The following KLHL7 variants were observed in gnomAD, a reference collection of about 807,000 sequenced individuals.
The protein encoded by KLHL7 is kelch like family member 7.
A neutral mutation model predicts 67.4 loss-of-function variants in KLHL7; 44 were observed. The observed-to-expected ratio is 0.65, with a 90% CI of 0.51 to 0.84. The LOEUF is 0.84. KLHL7 is among the 40% of genes least tolerant of loss of function. KLHL7 has a pLI of 0.00. For synonymous variants in KLHL7, 252 were observed against 243.3 expected, an observed-to-expected ratio of 1.04 and a Z score of -0.33; for missense variants, 362 against 718.1, an observed-to-expected ratio of 0.50 and a Z score of 5.67.
rs527487644 is a variant in KLHL7, at chr7:23,161,324, G to T, written c.937-4374G>T. Among the ~76,000 whole-genome samples the T allele has an allele frequency of 1.3e-3, 196 of 152,272 alleles. 4 individuals carry two copies. Among genetic ancestry groups the T allele is most frequent in the African/African-American group, 4.6e-3 (192 of 41,540 alleles). On this transcript the variant is annotated intron_variant, in intron 7 of 10. Coordinates refer to ENST00000339077, the MANE Select transcript of KLHL7 (RefSeq NM_001031710.3). ...TTATTATGGAGATATTTTCACATCAGTGAGAATGTCATCATTTTGAAGGGC... is the reference window on the plus strand; with the variant it reads ...TTATTATGGAGATATTTTCACATCATTGAGAATGTCATCATTTTGAAGGGC...
chr7:23,121,330 T>A (rs539007514), intron 1 of KLHL7, among the ~76,000 whole-genome samples: 1 of 152,194 alleles, frequency 6.6e-6, no homozygotes, highest in Non-Finnish European at 1.5e-5. Flanking sequence ...TATAATGATA[T>A]CACTGGAGTA....
chr7:23,109,210 A>G (rs1782765770), intron 1 of KLHL7, among the ~76,000 whole-genome samples: 1 of 152,234 alleles, frequency 6.6e-6, no homozygotes, highest in African/African-American at 2.4e-5. Context: ...TGATGTTGTC[A>G]GTCTTATCAC....
intron 4 of KLHL7, among the ~76,000 whole-genome samples, chr7:23,134,905 G>A (rs1783924483): frequency 6.6e-6 from 1 of 151,404 alleles, no homozygotes; most frequent in Admixed American, 6.6e-5. Context: ...ACAACTTTTT[G>A]TTTCATTGAT....
Position 23,174,360 on chromosome 7 carries a change from AG to A in KLHL7, c.*64del. On this transcript the variant is annotated 3_prime_UTR_variant, in exon 11 of 11. Transcript: ENST00000339077. The stretch of plus-strand genomic sequence containing the variant: ...AATATAGCCACCAGTGCTTTGTTCC[AG>A]GAGTTTGGTGACAAAGTTTTGGTTT... 6.3e-7 allele frequency: 1 copy of A among 1,574,824 alleles called. No individual in the cohort carries two copies. The highest frequency in any genetic ancestry group is 8.7e-7 in the Non-Finnish European group (1 of 1,145,418).
At chr7:23,130,061 A>G (rs1783739686) in intron 4 of KLHL7, among the ~76,000 whole-genome samples, 1 of 152,222 alleles carries the variant, frequency 6.6e-6, no homozygotes, top group African/African-American at 2.4e-5. Flanking sequence ...TTTTGAAATC[A>G]TCTAATGTGT....
At chr7:23,114,442 T>A (rs576777080) in intron 1 of KLHL7, among the ~76,000 whole-genome samples, 3 of 152,292 alleles carry the variant, frequency 2.0e-5, no homozygotes, top group East Asian at 3.9e-4. Context: ...TATTGATACT[T>A]CCTTATATAA....
intron 6 of KLHL7, 147 bp from the exon 7 acceptor site, chr7:23,151,918 CCT>C (rs1784548740): frequency 2.7e-6 from 2 of 733,068 alleles, no homozygotes; most frequent in East Asian, 5.4e-5. Flanking sequence ...ATTTCTCCTG[CCT>C]CTTCCCCCTC....
intron 4 of KLHL7, among the ~76,000 whole-genome samples, chr7:23,138,075 C>T (rs1784044788): frequency 6.6e-6 from 1 of 151,818 alleles, no homozygotes; most frequent in South Asian, 2.1e-4. Flanking sequence ...ACTCAGGAGG[C>T]TGAGGCAGGA....
At chr7:23,159,093 CT>C (rs545562127) in intron 7 of KLHL7, among the ~76,000 whole-genome samples, 1 of 152,024 alleles carries the variant, frequency 6.6e-6, no homozygotes, top group South Asian at 2.1e-4. Flanking sequence ...CTGGACTGCA[CT>C]TTTTAAAAAA....
intron 6 of KLHL7, among the ~76,000 whole-genome samples, chr7:23,151,281 A>T (rs1784528130): frequency 1.3e-5 from 2 of 151,362 alleles, no homozygotes; most frequent in South Asian, 4.2e-4. Flanking sequence ...CTTTCTTCAT[A>T]TTGTTGTCTA....
At chr7:23,129,682 A>T (rs1057044969) in intron 4 of KLHL7, 1 of 160,772 alleles carries the variant, frequency 6.2e-6, no homozygotes, top group Admixed American at 6.5e-5. Context: ...AGTTATCAAG[A>T]GACTGAAGAC....
At chr7:23,106,432 T>C (rs1782642360) in intron 1 of KLHL7, 2 of 1,270,336 alleles carry the variant, frequency 1.6e-6, no homozygotes, top group South Asian at 3.1e-5. Flanking sequence ...GTGTAACAGC[T>C]CTGCCCTAGT....
At chr7:23,117,899 C>T in intron 1 of KLHL7, 1 of 1,614,000 alleles carries the variant, frequency 6.2e-7, no homozygotes, top group Non-Finnish European at 8.5e-7. Flanking sequence ...TACTCAATGC[C>T]AATTTGATAT....
chr7:23,140,589 C>T (rs190962678), intron 4 of KLHL7, 180 bp from the exon 5 acceptor site: 2 of 642,674 alleles, frequency 3.1e-6, no homozygotes, highest in Non-Finnish European at 5.4e-6. Context: ...AAAAAAAAAA[C>T]CAGTCTTTTA....
At chr7:23,110,305 A>G (rs1782812986) in intron 1 of KLHL7, among the ~76,000 whole-genome samples, 1 of 152,100 alleles carries the variant, frequency 6.6e-6, no homozygotes, top group Admixed American at 6.6e-5. Flanking sequence ...TTCTCTTCTT[A>G]TCCTGCTACA....
chr7:23,129,061 C>CA lies in KLHL7; in HGVS notation c.442+3898dup, dbSNP rs199549362. ...AAAGGAAAGCACTGGTTAACTTGAA[C>CA]AAAAAAAAATAAAAGTGCTTTCTAC... On this transcript the variant is annotated intron_variant, in intron 4 of 10. Transcript: ENST00000339077. The CA allele has an allele frequency of 1.4e-3, 217 of 151,106 alleles. 1 individual carries two copies. The highest frequency in any genetic ancestry group is 4.3e-3 in the African/African-American group (176 of 41,184). The allele number at this position is 151,106 out of a possible 1,614,324, so 9.4% of individuals were successfully genotyped here. A position where few individuals can be genotyped will look rare whatever the true frequency, so the allele number is the denominator to read the frequency against.
chr7:23,109,378 A>T (rs1782772859), intron 1 of KLHL7, among the ~76,000 whole-genome samples: 1 of 152,254 alleles, frequency 6.6e-6, no homozygotes, highest in African/African-American at 2.4e-5. Context: ...ACTATTGCAC[A>T]TGCACATTGC....
At chr7:23,151,003 T>C (rs1051544894) in intron 6 of KLHL7, among the ~76,000 whole-genome samples, 2 of 151,928 alleles carry the variant, frequency 1.3e-5, no homozygotes, top group African/African-American at 4.8e-5. Flanking sequence ...TATTTATAAA[T>C]ATTTTCCTAG....
At chr7:23,145,364 G>A (rs1784324422) in intron 6 of KLHL7, among the ~76,000 whole-genome samples, 1 of 151,524 alleles carries the variant, frequency 6.6e-6, no homozygotes, top group Non-Finnish European at 1.5e-5. Context: ...TTTCATGGCT[G>A]CAATATCTTA....
Sources: allele counts gnomAD v4.1 joint callset (sites outside exome capture counted in the v4.1 genomes callset), GRCh38; gene constraint gnomAD v4.1.1; transcripts MANE v1.5; gene names NCBI Gene and HGNC (gene_info 2026-07-23, HGNC 2026-07-21).